The following SLC35F2 variants were observed in gnomAD, a reference collection of about 807,000 sequenced individuals.
SLC35F2 encodes the protein queuine/queuosine transporter SLC35F2.
A neutral mutation model predicts 38.1 loss-of-function variants in SLC35F2; 25 were observed. The observed-to-expected ratio is 0.66, with a 90% CI of 0.48 to 0.92. SLC35F2 has a LOEUF of 0.92. Ranked by LOEUF, SLC35F2 falls within the 40% of genes least tolerant of loss-of-function variation. SLC35F2 has a pLI of 0.00. For synonymous variants in SLC35F2, 173 were observed against 181.7 expected (o/e 0.95, Z 0.38); for missense variants, 409 against 452.9 (o/e 0.90, Z 0.88).
Position 107,836,302 on chromosome 11 carries a change from T to C in SLC35F2, c.111-20337A>G, listed in dbSNP as rs541943784. Among the ~76,000 whole-genome samples, 5 of 151,916 alleles carry C rather than the reference T, an allele frequency of 3.3e-5. No homozygotes were observed. In the South Asian group the frequency reaches 1.0e-3, roughly 32 times the overall value. On this transcript the variant is annotated intron_variant, in intron 1 of 7. Coordinates refer to ENST00000525815, the MANE Select transcript of SLC35F2 (RefSeq NM_017515.5). ...ACTATTGCTTACATTTTCACCAACA[T>C]CTAGGTGTTCTTATTTCTTTGTGCT...
At chr11:107,852,974 A>T (rs1237888563) in intron 1 of SLC35F2, among the ~76,000 whole-genome samples, 1 of 151,874 alleles carries the variant, frequency 6.6e-6, no homozygotes, top group Admixed American at 6.6e-5. Context: ...AACTCAGGAG[A>T]TCATGACACT....
At chr11:107,839,791 T>C (rs1859987680) in intron 1 of SLC35F2, among the ~76,000 whole-genome samples, 2 of 152,052 alleles carry the variant, frequency 1.3e-5, no homozygotes, top group Admixed American at 6.5e-5. Flanking sequence ...GTAGCTGGGA[T>C]TACAGGCATG....
At chr11:107,807,033 C>T (rs945822322) in intron 3 of SLC35F2, among the ~76,000 whole-genome samples, 157 bp from the exon 4 acceptor site, 4 of 152,108 alleles carry the variant, frequency 2.6e-5, no homozygotes, top group African/African-American at 9.7e-5. Context: ...CCTGGATTCA[C>T]TCATTTAATC....
At chr11:107,805,815 T>C (rs1859382001) in intron 4 of SLC35F2, 1 of 273,494 alleles carries the variant, frequency 3.7e-6, no homozygotes, top group Non-Finnish European at 5.6e-6. Flanking sequence ...TGGCTGGGAT[T>C]ACAGGCACCC....
At chr11:107,816,323 T>C in intron 1 of SLC35F2, 1 of 979,816 alleles carries the variant, frequency 1.0e-6, no homozygotes, top group Non-Finnish European at 1.2e-6. Context: ...GTTCTATTGC[T>C]CAGGCTAGAG....
chr11:107,850,562 C>T (rs969208200), intron 1 of SLC35F2, among the ~76,000 whole-genome samples: 1 of 152,102 alleles, frequency 6.6e-6, no homozygotes, highest in African/African-American at 2.4e-5. Context: ...TGGCTCACTT[C>T]TATAAGCCCA....
At chr11:107,846,623 T>C (rs977177821) in intron 1 of SLC35F2, among the ~76,000 whole-genome samples, 3 of 152,172 alleles carry the variant, frequency 2.0e-5, no homozygotes, top group Admixed American at 2.0e-4. Context: ...AATAGTGTCA[T>C]TCAACTAGAT....
In SLC35F2 at chr11:107,821,199, A is replaced by C. The variant is rs556175439; in HGVS notation, c.111-5234T>G. Reference sequence around the variant, plus strand: ...TGAAAGCAATTATAAATCTGAAATAAGTGAGAATAAAAAGTGTGGAAGCAT... The same window carrying C: ...TGAAAGCAATTATAAATCTGAAATACGTGAGAATAAAAAGTGTGGAAGCAT... On this transcript the variant is annotated intron_variant, in intron 1 of 7. Coordinates refer to ENST00000525815, the MANE Select transcript of SLC35F2 (RefSeq NM_017515.5). Among the ~76,000 whole-genome samples the C allele has an allele frequency of 7.2e-5, 11 of 152,338 alleles. No homozygotes were observed. The East Asian group carries it at 1.5e-3, about 21-fold the overall frequency.
At chr11:107,803,246 A>ACC in intron 6 of SLC35F2, 91 bp from the exon 7 acceptor site, 1 of 1,419,586 alleles carries the variant, frequency 7.0e-7, no homozygotes, top group East Asian at 2.6e-5. Flanking sequence ...AAACTCCCTA[A>ACC]CCCTTTAACA....
At chr11:107,852,936 C>A (rs1860211612) in intron 1 of SLC35F2, among the ~76,000 whole-genome samples, 1 of 151,612 alleles carries the variant, frequency 6.6e-6, no homozygotes, top group Middle Eastern at 3.4e-3. Context: ...CCCAGCTACT[C>A]AGGAGGCTGA....
At chr11:107,794,961 C>T (rs1859194937) in intron 7 of SLC35F2, among the ~76,000 whole-genome samples, 1 of 152,046 alleles carries the variant, frequency 6.6e-6, no homozygotes. Flanking sequence ...ACAACAGCTA[C>T]ACAAAATAAA....
intron 1 of SLC35F2, chr11:107,823,822 A>C (rs1268952515): frequency 2.2e-5 from 4 of 183,096 alleles, no homozygotes; most frequent in African/African-American, 9.6e-5. Context: ...CCAGCTACTC[A>C]GGAGGCTGAG....
intron 7 of SLC35F2, among the ~76,000 whole-genome samples, chr11:107,793,313 C>A (rs1378723427): frequency 2.6e-5 from 4 of 152,188 alleles, no homozygotes; most frequent in African/African-American, 7.2e-5. Flanking sequence ...CAACAGCACC[C>A]GGCACATAAG....
chr11:107,857,197 A>G (rs931639045), intron 1 of SLC35F2, among the ~76,000 whole-genome samples: 5 of 127,256 alleles, frequency 3.9e-5, no homozygotes, highest in African/African-American at 1.5e-4. Context: ...ACGGACGGAC[A>G]CGGACGGAAG....
At chr11:107,837,996 C>G (rs1352488414) in intron 1 of SLC35F2, among the ~76,000 whole-genome samples, 1 of 146,086 alleles carries the variant, frequency 6.8e-6, no homozygotes, top group Non-Finnish European at 1.5e-5. Flanking sequence ...TGAGTGTATA[C>G]TATATACCAA....
At chr11:107,799,284 T>G (rs952903379) in intron 7 of SLC35F2, among the ~76,000 whole-genome samples, 1 of 152,214 alleles carries the variant, frequency 6.6e-6, no homozygotes, top group African/African-American at 2.4e-5. Flanking sequence ...GGAAAGGAAT[T>G]TATCAACTGC....
chr11:107,823,916 A>C, intron 1 of SLC35F2: 1 of 828,084 alleles, frequency 1.2e-6, no homozygotes, highest in Non-Finnish European at 1.4e-6. Flanking sequence ...GCGACATAAC[A>C]AGACAGTCTC....
At chr11:107,839,446 G>T (rs1203770812) in intron 1 of SLC35F2, among the ~76,000 whole-genome samples, 1 of 152,082 alleles carries the variant, frequency 6.6e-6, no homozygotes, top group Non-Finnish European at 1.5e-5. Flanking sequence ...GAACAATGGG[G>T]CAAGACACCG....
intron 1 of SLC35F2, among the ~76,000 whole-genome samples, chr11:107,851,283 A>AG (rs1273790383): frequency 6.6e-6 from 1 of 150,470 alleles, no homozygotes; most frequent in Non-Finnish European, 1.5e-5. Flanking sequence ...AAAGAAAGAA[A>AG]GAAACCCTGT....
Sources: gnomAD v4.1 joint callset for allele counts (sites outside exome capture counted in the v4.1 genomes callset) on GRCh38, gnomAD v4.1.1 for gene constraint, MANE v1.5 for transcripts, NCBI Gene and HGNC (gene_info 2026-07-23, HGNC 2026-07-21) for gene names.